The following STAG1 variants were observed in gnomAD, a reference collection of about 807,000 sequenced individuals.
STAG1 encodes STAG1 cohesin complex component.
Under a neutral mutation model 170.9 loss-of-function variants are expected in STAG1, and 26 were observed. The observed-to-expected ratio is 0.15, with a 90% confidence interval of 0.11 to 0.21. STAG1 has a LOEUF of 0.21. Among genes scored for constraint, STAG1 ranks in the 10% least tolerant of loss-of-function variants. The pLI is 1.00. For synonymous variants in STAG1, 514 were observed against 497.7 expected, an observed-to-expected ratio of 1.03 and a Z score of -0.44; for missense variants, 964 against 1,509.5, an observed-to-expected ratio of 0.64 and a Z score of 5.99.
At chr3:136,462,852 TAC>T (rs1459484461) in intron 13 of STAG1, among the ~76,000 whole-genome samples, 7 of 152,132 alleles carry the variant, frequency 4.6e-5, no homozygotes, top group African/African-American at 1.4e-4. Context: ...AAAAATATAA[TAC>T]AGACATAAAA....
intron 4 of STAG1, among the ~76,000 whole-genome samples, chr3:136,570,457 T>C (rs1035358013): frequency 3.3e-5 from 5 of 152,248 alleles, no homozygotes; most frequent in Admixed American, 3.3e-4. Flanking sequence ...GGAATATGAG[T>C]ACTCTTTGCA....
At position 136,377,676 on chromosome 3, in the gene STAG1, G is replaced by A. The variant is rs1937681185; in HGVS notation, c.2354C>T (p.Thr785Ile). The A allele has an allele frequency of 6.2e-7, 1 of 1,613,584 alleles. No homozygotes were observed. ...ATTTCTTACCTGTTCTTTCACTGGAGTATTAACATTAGACAGGCACTGCTG... is the reference window on the plus strand; with the variant it reads ...ATTTCTTACCTGTTCTTTCACTGGAATATTAACATTAGACAGGCACTGCTG... Reference protein sequence around the residue: ...VCQQCLSNVNTPVKEQAFMLL... With the variant: ...VCQQCLSNVNIPVKEQAFMLL... The change falls in exon 23 of 34, where the codon ACT becomes ATT. Residue 785 changes from threonine to isoleucine, a missense_variant. Transcript: ENST00000383202.
chr3:136,581,454 GA>G (rs550439314), intron 4 of STAG1, among the ~76,000 whole-genome samples: 95 of 151,508 alleles, frequency 6.3e-4, no homozygotes, highest in African/African-American at 2.1e-3. Context: ...AAATATTTCA[GA>G]AAAAAAACCA....
In STAG1 at chr3:136,579,966, T is replaced by TTTTTC. The variant is rs1037824557; in HGVS notation, c.298-11106_298-11105insGAAAA. On this transcript the variant is annotated intron_variant, in intron 4 of 33. Coordinates refer to ENST00000383202, the MANE Select transcript of STAG1 (RefSeq NM_005862.3). Reference sequence around the variant, plus strand: ...GTCACAATACCATCTGAATTTTTTTTTTTTTTTTTTTTTTTTTTTTGAGAC... The same window carrying TTTTTC: ...GTCACAATACCATCTGAATTTTTTTTTTTTCTTTTTTTTTTTTTTTTTTTTGAGAC... 1.7e-4 allele frequency among the ~76,000 whole-genome samples: 21 copies of TTTTTC among 121,694 alleles called. 1 individual carries two copies. The highest frequency in any genetic ancestry group is 6.3e-4 in the African/African-American group (19 of 30,248). 79.8% of individuals were successfully genotyped at this position (121,694 alleles called of 152,430 possible). A position where few individuals can be genotyped will look rare whatever the true frequency, so the allele number is the denominator to read the frequency against.
chr3:136,441,925 C>T (rs773620377), intron 15 of STAG1, among the ~76,000 whole-genome samples: 1 of 152,082 alleles, frequency 6.6e-6, no homozygotes, highest in Non-Finnish European at 1.5e-5. Context: ...TGGCCAGATG[C>T]GGTGGCTCAC....
At chr3:136,726,399 G>A (rs890376490) in intron 1 of STAG1, among the ~76,000 whole-genome samples, 5 of 152,072 alleles carry the variant, frequency 3.3e-5, no homozygotes, top group East Asian at 3.9e-4. Flanking sequence ...AAGCAAAATC[G>A]CCCTCAGTTG....
At chr3:136,698,097 A>C (rs1429347874) in intron 1 of STAG1, among the ~76,000 whole-genome samples, 1 of 152,198 alleles carries the variant, frequency 6.6e-6, no homozygotes, top group Non-Finnish European at 1.5e-5. Flanking sequence ...TCTTCTAGAC[A>C]TTGGCTTAGG....
chr3:136,544,327 G>A (rs1936047177), intron 5 of STAG1, among the ~76,000 whole-genome samples: 1 of 152,098 alleles, frequency 6.6e-6, no homozygotes, highest in Admixed American at 6.6e-5. Flanking sequence ...TATGATGTCA[G>A]CCAGGGCATA....
chr3:136,504,117 AT>A, intron 7 of STAG1, among the ~76,000 whole-genome samples: 1 of 152,270 alleles, frequency 6.6e-6, no homozygotes, highest in African/African-American at 2.4e-5. Flanking sequence ...CTGTATTTCT[AT>A]CTACACGTAT....
chr3:136,678,317 A>G (rs1942207602), intron 1 of STAG1, among the ~76,000 whole-genome samples: 1 of 151,878 alleles, frequency 6.6e-6, no homozygotes, highest in African/African-American at 2.4e-5. Flanking sequence ...TATAGTATTG[A>G]TATAGAAACA....
intron 7 of STAG1, chr3:136,518,100 T>C (rs1484638914): frequency 1.5e-5 from 5 of 333,028 alleles, no homozygotes; most frequent in Admixed American, 9.5e-5. Flanking sequence ...ATGCAATGCA[T>C]AAACACTGAC....
At chr3:136,579,668 C>T (rs369918490) in intron 4 of STAG1, among the ~76,000 whole-genome samples, 2 of 152,312 alleles carry the variant, frequency 1.3e-5, no homozygotes, top group South Asian at 4.1e-4. Flanking sequence ...TTCCAGACCA[C>T]TGACTGCCCT....
intron 1 of STAG1, among the ~76,000 whole-genome samples, chr3:136,693,275 A>T (rs1230052274): frequency 6.6e-6 from 1 of 152,212 alleles, no homozygotes; most frequent in Admixed American, 6.5e-5. Flanking sequence ...TATTATTCCA[A>T]CACCGTGGCT....
intron 1 of STAG1, among the ~76,000 whole-genome samples, chr3:136,718,381 TTAA>T (rs1163519456): frequency 2.0e-5 from 3 of 152,220 alleles, no homozygotes; most frequent in Non-Finnish European, 2.9e-5. Flanking sequence ...TTTTTAATAA[TTAA>T]TAATACATTT....
At chr3:136,467,288 G>A (rs895422120) in intron 12 of STAG1, among the ~76,000 whole-genome samples, 19 of 152,064 alleles carry the variant, frequency 1.2e-4, no homozygotes, top group African/African-American at 4.6e-4. Flanking sequence ...GACACACATA[G>A]GCGCAAAATA....
intron 3 of STAG1, among the ~76,000 whole-genome samples, chr3:136,614,921 T>G (rs762252981): frequency 2.6e-5 from 4 of 152,140 alleles, no homozygotes; most frequent in Non-Finnish European, 4.4e-5. Flanking sequence ...TGCAAAAATT[T>G]TATACATACA....
At chr3:136,508,534 A>G (rs1933883005) in intron 7 of STAG1, among the ~76,000 whole-genome samples, 1 of 152,136 alleles carries the variant, frequency 6.6e-6, no homozygotes, top group Non-Finnish European at 1.5e-5. Flanking sequence ...CAAAAAATTT[A>G]AAAATTACCT....
At chr3:136,370,347 T>C (rs1314417001) in intron 23 of STAG1, among the ~76,000 whole-genome samples, 1 of 151,994 alleles carries the variant, frequency 6.6e-6, no homozygotes, top group Non-Finnish European at 1.5e-5. Flanking sequence ...ATGTGTTTCT[T>C]TTTTTAATTT....
chr3:136,521,154 C>A (rs1443674748), intron 7 of STAG1, 59 bp downstream of exon 7: 3 of 1,310,434 alleles, frequency 2.3e-6, no homozygotes, highest in South Asian at 1.3e-5. Flanking sequence ...AGTTTGTAAT[C>A]AGAATAAAAC....
Sources: gnomAD v4.1 joint callset for allele counts (sites outside exome capture counted in the v4.1 genomes callset) on GRCh38, gnomAD v4.1.1 for gene constraint, MANE v1.5 for transcripts, NCBI Gene and HGNC (gene_info 2026-07-23, HGNC 2026-07-21) for gene names.